GTF2H3: variants seen among roughly 807,000 people sequenced by gnomAD.
GTF2H3 encodes the protein general transcription factor IIH subunit 3.
GTF2H3 carries 42 observed loss-of-function variants against 51.1 expected under a neutral mutation model. The ratio of observed to expected loss-of-function variants is 0.82; its 90% CI spans 0.64 to 1.06. The LOEUF is 1.06. GTF2H3 is among the 50% of genes least tolerant of loss of function. The pLI is 0.00. For missense variants in GTF2H3, 326 were observed against 366.1 expected (o/e 0.89, Z 0.89); for synonymous variants, 123 against 123.8 (o/e 0.99, Z 0.04).
chr12:123,634,417 G>A (rs957971291), intron 1 of GTF2H3, among the ~76,000 whole-genome samples: 7 of 152,290 alleles, frequency 4.6e-5, no homozygotes, highest in African/African-American at 1.7e-4. Flanking sequence ...ACCCAGCATG[G>A]CCGACAGGGC....
At chr12:123,654,260 T>TG (rs1304514779) in intron 7 of GTF2H3, among the ~76,000 whole-genome samples, 3 of 123,308 alleles carry the variant, frequency 2.4e-5, no homozygotes, top group African/African-American at 6.1e-5. Context: ...GTGTATATTT[T>TG]GGGGGGGTGT....
In GTF2H3 at chr12:123,646,805, G is replaced by GTT. The variant is rs34544204; in HGVS notation, c.201-1142_201-1141dup. 2.9e-3 allele frequency among the ~76,000 whole-genome samples: 406 copies of GTT among 138,344 alleles called. 5 individuals carry two copies. The highest frequency in any genetic ancestry group is 8.1e-3 in the Admixed American group (111 of 13,646). 90.8% of individuals were successfully genotyped at this position (138,344 alleles called of 152,430 possible). ...ACCAGTAAAAACTATACCTGTCAAA[G>GTT]TTTTTTTTTTTTTTTTTAATCAAAG... On this transcript the variant is annotated intron_variant, in intron 3 of 12. Transcript: ENST00000543341.
chr12:123,645,468 A>G lies in GTF2H3; in HGVS notation c.107A>G (p.Lys36Arg). The G allele has an allele frequency of 6.3e-7, 1 of 1,590,554 alleles. No individual in the cohort carries two copies. The highest frequency in any genetic ancestry group is 8.6e-7 in the Non-Finnish European group (1 of 1,158,842). The change falls in exon 3 of 13, where the codon AAA becomes AGA. Residue 36 changes from lysine (K) to arginine (R), a missense_variant. By Grantham distance (26) the Lys-to-Arg change is conservative. Transcript: ENST00000543341. ...TTTTTCCAACAGTTCACTTTATCCA[A>G]ATGCATAGATGCCGTGATGGTGCTG... Reference protein sequence around the residue: ...ALKESQFTLSKCIDAVMVLGN... With the variant: ...ALKESQFTLSRCIDAVMVLGN...
At chr12:123,641,541 G>GTTT (rs1352235003) in intron 2 of GTF2H3, among the ~76,000 whole-genome samples, 3 of 138,338 alleles carry the variant, frequency 2.2e-5, no homozygotes, top group Admixed American at 1.4e-4. Flanking sequence ...TTTTTTTTGT[G>GTTT]TGTTTTTTTT....
chr12:123,634,688 G>GA, intron 1 of GTF2H3, among the ~76,000 whole-genome samples: 1 of 152,324 alleles, frequency 6.6e-6, no homozygotes, highest in Admixed American at 6.5e-5. Context: ...TGAGAAGGGA[G>GA]AAATGGAGAG....
At chr12:123,650,907 A>G (rs1036729844) in intron 4 of GTF2H3, 87 bp from the exon 5 acceptor site, 8 of 795,570 alleles carry the variant, frequency 1.0e-5, no homozygotes, top group Non-Finnish European at 1.3e-5. Flanking sequence ...TTGGTGTGAA[A>G]GCATACTTAG....
At chr12:123,638,581 A>G (rs953492013) in intron 1 of GTF2H3, among the ~76,000 whole-genome samples, 3 of 150,820 alleles carry the variant, frequency 2.0e-5, no homozygotes, top group Non-Finnish European at 4.4e-5. Context: ...AAGTGCTAGG[A>G]CTACAGGCCT....
Position 123,660,281 on chromosome 12 carries a change from T to G in GTF2H3, c.*46T>G. 1.5e-6 allele frequency: 2 copies of G among 1,338,084 alleles called. No homozygotes were observed. Among genetic ancestry groups the G allele is most frequent in the Non-Finnish European group, 2.1e-6 (2 of 951,378 alleles). 82.9% of individuals were successfully genotyped at this position (1,338,084 alleles called of 1,614,324 possible). A position where few individuals can be genotyped will look rare whatever the true frequency, so the allele number is the denominator to read the frequency against. ...CTTTTAGAGCTGTTAATAGAAATTA[T>G]ATAGCAGATTCTTTGTTGGGAAGAC... On this transcript the variant is annotated 3_prime_UTR_variant, in exon 13 of 13. Coordinates refer to ENST00000543341, the MANE Select transcript of GTF2H3 (RefSeq NM_001516.5).
At position 123,640,581 on chromosome 12, in the gene GTF2H3, G is replaced by A. The variant is rs561861000; in HGVS notation, c.93+1238G>A. On this transcript the variant is annotated intron_variant, in intron 2 of 12. Transcript: ENST00000543341. ...TCGAACTCCTAAACTCAGGTGATCT[G>A]CCTACCTCGGCCTCCCAAAGTACTG... Among the ~76,000 whole-genome samples, 12 of 152,094 alleles carry A rather than the reference G, an allele frequency of 7.9e-5. No individual in the cohort carries two copies. The South Asian group carries it at 2.5e-3, about 32-fold the overall frequency.
intron 3 of GTF2H3, among the ~76,000 whole-genome samples, chr12:123,646,341 C>T (rs1390918552): frequency 1.3e-5 from 2 of 150,520 alleles, no homozygotes; most frequent in Non-Finnish European, 2.9e-5. Flanking sequence ...ACTGTAGCGT[C>T]TGACCTTCTG....
At chr12:123,639,905 G>GTA in intron 2 of GTF2H3, 1 of 454,812 alleles carries the variant, frequency 2.2e-6, no homozygotes, top group Non-Finnish European at 4.4e-6. Flanking sequence ...GTGCGTGTAT[G>GTA]TGTGTGGTTC....
intron 3 of GTF2H3, 65 bp from the exon 4 acceptor site, chr12:123,647,898 C>A: frequency 9.0e-7 from 1 of 1,114,670 alleles, no homozygotes; most frequent in Non-Finnish European, 1.2e-6. Context: ...GAATTTCATT[C>A]TGATCATGAG....
At chr12:123,647,036 C>T (rs1439015151) in intron 3 of GTF2H3, among the ~76,000 whole-genome samples, 1 of 151,512 alleles carries the variant, frequency 6.6e-6, no homozygotes, top group African/African-American at 2.4e-5. Context: ...ACCTGTAGTC[C>T]CAGCTACTCG....
rs1320039070 is a variant in GTF2H3, at chr12:123,655,940, A to G, written c.615+116A>G. ...TTGGGTTAAATAAAATATGTTATTC[A>G]GCCTAATTTTATCTATGTCTTTCCC... is the stretch of plus-strand genomic sequence containing the variant. On this transcript the variant is annotated intron_variant, in intron 9 of 12. Coordinates refer to ENST00000543341, the MANE Select transcript of GTF2H3 (RefSeq NM_001516.5). 40 of 658,872 alleles carry G rather than the reference A, an allele frequency of 6.1e-5. No homozygotes were observed. In the East Asian group the frequency reaches 1.1e-3, roughly 18 times the overall value. 40.8% of individuals were successfully genotyped at this position (658,872 alleles called of 1,614,324 possible).
chr12:123,655,001 G>A lies in GTF2H3; in HGVS notation c.561+3G>A. 1 of 1,605,474 alleles carries A rather than the reference G, an allele frequency of 6.2e-7. No individual in the cohort carries two copies. The highest frequency in any genetic ancestry group is 8.5e-7 in the Non-Finnish European group (1 of 1,172,098). On this transcript the variant is annotated splice_donor_region_variant and intron_variant, in intron 8 of 12. Coordinates refer to ENST00000543341, the MANE Select transcript of GTF2H3 (RefSeq NM_001516.5). ...TCATCTTTGCAGCACAGAAACAGGT[G>A]AACTGAGAGCCTGCCGTTTAAAGTA...
intron 1 of GTF2H3, among the ~76,000 whole-genome samples, chr12:123,638,269 C>T (rs993805420): frequency 1.3e-5 from 2 of 152,170 alleles, no homozygotes; most frequent in East Asian, 3.9e-4. Context: ...AGTGATTCTC[C>T]TGCCTCAGTC....
chr12:123,638,411 T>TC (rs1593792926), intron 1 of GTF2H3, among the ~76,000 whole-genome samples: 1 of 151,454 alleles, frequency 6.6e-6, no homozygotes, highest in Non-Finnish European at 1.5e-5. Context: ...CCTCAAGTGA[T>TC]CCCCCCTCCT....
chr12:123,653,578 G>A (rs1955546318), intron 7 of GTF2H3, among the ~76,000 whole-genome samples: 1 of 151,950 alleles, frequency 6.6e-6, no homozygotes, highest in Non-Finnish European at 1.5e-5. Flanking sequence ...GAACCCAGGA[G>A]GCAGAGGTTG....
chr12:123,639,345 T>C lies in GTF2H3; in HGVS notation c.93+2T>C. 1 of 1,510,314 alleles carries C rather than the reference T, an allele frequency of 6.6e-7. No individual in the cohort carries two copies. The highest frequency in any genetic ancestry group is 9.2e-7 in the Non-Finnish European group (1 of 1,085,682). 93.6% of individuals were successfully genotyped at this position (1,510,314 alleles called of 1,614,324 possible). ...AAGCAAGCATTAAAGGAATCTCAGG[T>C]AAGACTGCTTGAGGAGGCCTTTGGA... On this transcript the variant is annotated splice_donor_variant, in intron 2 of 12. Coordinates refer to ENST00000543341, the MANE Select transcript of GTF2H3 (RefSeq NM_001516.5). LOFTEE classifies it high-confidence loss of function.
Sources: allele counts gnomAD v4.1 joint callset (sites outside exome capture counted in the v4.1 genomes callset), GRCh38; gene constraint gnomAD v4.1.1; transcripts MANE v1.5; gene names NCBI Gene and HGNC (gene_info 2026-07-23, HGNC 2026-07-21).